The following PTPRQ variants were observed in gnomAD, a reference collection of about 807,000 sequenced individuals.
PTPRQ encodes phosphatidylinositol phosphatase PTPRQ.
PTPRQ carries 199 observed loss-of-function variants against 246.0 expected under a neutral mutation model. That is an observed-to-expected ratio of 0.81 (90% CI 0.72 to 0.91). PTPRQ has a LOEUF of 0.91. Among genes scored for constraint, PTPRQ ranks in the 40% least tolerant of loss-of-function variants. The probability of loss-of-function intolerance (pLI) is 0.00; values close to 1 mark genes in which losing one functional copy is unlikely to be tolerated. For synonymous variants in PTPRQ, 869 were observed against 853.2 expected (o/e 1.02, Z -0.32); for missense variants, 2,624 against 2,528.4 (o/e 1.04, Z -0.81).
At position 80,541,585 on chromosome 12, in the gene PTPRQ, A is replaced by T; in HGVS notation, c.3185A>T (p.Tyr1062Phe). 1 of 1,537,032 alleles carries T rather than the reference A, an allele frequency of 6.5e-7. No homozygotes were observed. ...IPEGFVGNLT[Y>F]ESISSTAINV... ...GAAGGGTTTGTTGGAAACCTGACTT[A>T]CGAATCCATTTCGTCAACTGCAATA... The change falls in exon 21 of 45, where the codon TAC becomes TTC. Residue 1062 changes from tyrosine to phenylalanine, a missense_variant. Coordinates refer to ENST00000644991, the MANE Select transcript of PTPRQ (RefSeq NM_001145026.2).
intron 25 of PTPRQ, among the ~76,000 whole-genome samples, chr12:80,562,228 T>C (rs1458453416): frequency 1.3e-5 from 2 of 152,184 alleles, no homozygotes; most frequent in African/African-American, 2.4e-5. Flanking sequence ...TCTATATTTA[T>C]GAAAAATACT....
At chr12:80,454,567 A>T (rs1005563142) in intron 3 of PTPRQ, 3 of 702,356 alleles carry the variant, frequency 4.3e-6, no homozygotes, top group Non-Finnish European at 7.8e-6. Flanking sequence ...ATAATCCTTT[A>T]AACTTTTCTC....
In PTPRQ at chr12:80,468,711, G is replaced by C; in HGVS notation, c.912G>C (p.Val304=). 6.5e-7 allele frequency: 1 copy of C among 1,535,008 alleles called. No individual in the cohort carries two copies. The highest frequency in any genetic ancestry group is 1.3e-5 in the South Asian group (1 of 78,848). ...DSTIVRTPES[V]PEGPPQNCVT... ...ATTTATTTTCTATAATTATTTTAGT[G>C]CCTGAAGGACCACCACAAAACTGCG... The change falls in exon 7 of 45, where the codon GTG becomes GTC. Residue 304 remains valine (V), a splice_region_variant and synonymous_variant. Transcript: ENST00000644991.
intron 35 of PTPRQ, among the ~76,000 whole-genome samples, chr12:80,642,340 C>T (rs1899895097): frequency 6.6e-6 from 1 of 152,198 alleles, no homozygotes; most frequent in African/African-American, 2.4e-5. Flanking sequence ...CATCTCTTCA[C>T]ATAACTTTGA....
At chr12:80,464,082 T>C (rs1893310175) in intron 6 of PTPRQ, among the ~76,000 whole-genome samples, 1 of 151,802 alleles carries the variant, frequency 6.6e-6, no homozygotes, top group Non-Finnish European at 1.5e-5. Flanking sequence ...GCAAATTAGA[T>C]AAAGAGTCAA....
intron 14 of PTPRQ, among the ~76,000 whole-genome samples, chr12:80,501,678 A>C (rs1894804087): frequency 6.6e-6 from 1 of 151,970 alleles, no homozygotes; most frequent in Non-Finnish European, 1.5e-5. Context: ...GAGAAGTAGA[A>C]GAGCTAATCA....
Position 80,679,022 on chromosome 12 carries a change from A to G in PTPRQ, c.6899A>G (p.Ter2300=), listed in dbSNP as rs1901235573. 6.5e-7 allele frequency: 1 copy of G among 1,547,504 alleles called. No homozygotes were observed. The highest frequency in any genetic ancestry group is 8.7e-7 in the Non-Finnish European group (1 of 1,145,136). Residue 2300 remains the stop codon, a stop_retained_variant, in exon 45 of 45, where the codon TAA becomes TGA. Coordinates refer to ENST00000644991, the MANE Select transcript of PTPRQ (RefSeq NM_001145026.2). The part of the protein sequence containing the change: ...VELEWEETTM[*] ...CTTGAATGGGAAGAAACCACTATGT[A>G]AATATTCAGACCAAAGGATACAATT... is the stretch of plus-strand genomic sequence containing the variant.
chr12:80,642,375 A>G (rs886968370), intron 35 of PTPRQ, among the ~76,000 whole-genome samples: 9 of 152,144 alleles, frequency 5.9e-5, no homozygotes, highest in Admixed American at 5.2e-4. Flanking sequence ...CTCTCTATCT[A>G]CAAATTCTAC....
intron 27 of PTPRQ, among the ~76,000 whole-genome samples, chr12:80,606,466 G>A (rs1898325488): frequency 6.6e-6 from 1 of 150,842 alleles, no homozygotes; most frequent in Non-Finnish European, 1.5e-5. Flanking sequence ...TATAAGATAG[G>A]ATGCTCAATG....
chr12:80,478,839 A>C (rs1317152412), intron 8 of PTPRQ, among the ~76,000 whole-genome samples: 3 of 152,220 alleles, frequency 2.0e-5, no homozygotes, highest in Non-Finnish European at 2.9e-5. Flanking sequence ...ATGAATAAAA[A>C]GAAATGAGCA....
At chr12:80,649,759 G>T in intron 37 of PTPRQ, 90 bp downstream of exon 37, 1 of 1,451,344 alleles carries the variant, frequency 6.9e-7, no homozygotes, top group Non-Finnish European at 9.1e-7. Context: ...GCAAGGCCAT[G>T]AAGGACTCTG....
intron 42 of PTPRQ, among the ~76,000 whole-genome samples, chr12:80,672,646 T>A (rs1901007184): frequency 6.6e-6 from 1 of 152,058 alleles, no homozygotes; most frequent in Non-Finnish European, 1.5e-5. Flanking sequence ...TTGATGTAAT[T>A]TTTTAAATGA....
At chr12:80,652,286 T>G (rs1479598491) in intron 37 of PTPRQ, among the ~76,000 whole-genome samples, 1 of 152,130 alleles carries the variant, frequency 6.6e-6, no homozygotes, top group African/African-American at 2.4e-5. Context: ...AGAGCAGGAA[T>G]TGACCTCTGG....
Position 80,459,393 on chromosome 12 carries a change from T to C in PTPRQ, c.570T>C (p.Ile190=). The change falls in exon 5 of 45, where the codon ATT becomes ATC. Residue 190 remains isoleucine, a synonymous_variant. Coordinates refer to ENST00000644991, the MANE Select transcript of PTPRQ (RefSeq NM_001145026.2). ...ATGGCAAAATTACCAGCTTCAAGAT[T>C]AGTGTCAAGCATGCCAGAAGTGGGA... ...QPNGKITSFK[I]SVKHARSGIV... 2 of 398,468 alleles carry C rather than the reference T, an allele frequency of 5.0e-6. No homozygotes were observed. Among genetic ancestry groups the C allele is most frequent in the East Asian group, 7.1e-5 (2 of 28,050 alleles). The allele number at this position is 398,468 out of a possible 1,614,324, so 24.7% of individuals were successfully genotyped here.
chr12:80,667,417 A>T (rs1357542416), intron 39 of PTPRQ, among the ~76,000 whole-genome samples: 6 of 151,972 alleles, frequency 3.9e-5, no homozygotes, highest in Non-Finnish European at 7.4e-5. Context: ...TGAATAACCT[A>T]TTTCTGAACA....
At chr12:80,469,365 AC>A (rs990066058) in intron 7 of PTPRQ, among the ~76,000 whole-genome samples, 1 of 152,140 alleles carries the variant, frequency 6.6e-6, no homozygotes, top group African/African-American at 2.4e-5. Flanking sequence ...AAGTTCTCCA[AC>A]TTTGTAAGCA....
chr12:80,477,266 A>C (rs1893840818), intron 8 of PTPRQ, among the ~76,000 whole-genome samples: 4 of 152,210 alleles, frequency 2.6e-5, no homozygotes. Context: ...TAATAAATTA[A>C]AACGCAGTCT....
chr12:80,574,952 C>G (rs1011417370), intron 25 of PTPRQ, among the ~76,000 whole-genome samples: 2 of 152,180 alleles, frequency 1.3e-5, no homozygotes, highest in Non-Finnish European at 2.9e-5. Flanking sequence ...ACTTTAGCAG[C>G]CTCATACTTT....
chr12:80,563,380 G>A (rs1459237402), intron 25 of PTPRQ, among the ~76,000 whole-genome samples: 1 of 151,644 alleles, frequency 6.6e-6, no homozygotes, highest in Non-Finnish European at 1.5e-5. Flanking sequence ...TGAGGGCAGA[G>A]CCCTCATGAG....
Sources: gnomAD v4.1 joint callset for allele counts (sites outside exome capture counted in the v4.1 genomes callset) on GRCh38, gnomAD v4.1.1 for gene constraint, MANE v1.5 for transcripts, NCBI Gene and HGNC (gene_info 2026-07-23, HGNC 2026-07-21) for gene names.